Variants in DNAH9 observed in about 807,000 individuals in gnomAD.
DNAH9 encodes the protein DNAH9 variant protein.
A neutral mutation model predicts 471.6 loss-of-function variants in DNAH9; 345 were observed. That is an observed-to-expected ratio of 0.73 (90% CI 0.67 to 0.80). DNAH9 has a LOEUF of 0.80. DNAH9 is among the 30% of genes least tolerant of loss of function. The probability of loss-of-function intolerance (pLI) is 0.00; values close to 1 mark genes in which losing one functional copy is unlikely to be tolerated. For synonymous variants in DNAH9, 2,093 were observed against 2,123.6 expected (o/e 0.99, Z 0.40); for missense variants, 5,407 against 5,609.2 (o/e 0.96, Z 1.15).
intron 45 of DNAH9, among the ~76,000 whole-genome samples, chr17:11,812,011 AAAAAAAAAAAAAAAAATATATATATAT>A: frequency 3.3e-5 from 2 of 61,530 alleles, no homozygotes; most frequent in African/African-American, 1.7e-4. Flanking sequence ...AAAAAAAAAA[AAAAAAAAAAAAAAAAATATATATATAT>A]ATATATATAT....
chr17:11,624,230 C>T (rs754103532), intron 6 of DNAH9, among the ~76,000 whole-genome samples: 15 of 152,170 alleles, frequency 9.9e-5, no homozygotes, highest in East Asian at 1.9e-4. Flanking sequence ...GAACTGGGGC[C>T]GGGTGCAGTG....
intron 27 of DNAH9, among the ~76,000 whole-genome samples, chr17:11,724,228 T>C (rs1020796156): frequency 2.6e-5 from 4 of 152,200 alleles, no homozygotes; most frequent in Non-Finnish European, 5.9e-5. Context: ...TTTTGAAATA[T>C]AAAATAAATG....
At chr17:11,718,409 A>G (rs1403044471) in intron 26 of DNAH9, among the ~76,000 whole-genome samples, 1 of 152,278 alleles carries the variant, frequency 6.6e-6, no homozygotes, top group African/African-American at 2.4e-5. Flanking sequence ...GAACAGGTAG[A>G]TATTGTGCTA....
chr17:11,718,943 A>C (rs921232005), intron 26 of DNAH9, among the ~76,000 whole-genome samples: 2 of 152,150 alleles, frequency 1.3e-5, no homozygotes, highest in African/African-American at 4.8e-5. Context: ...AACATCATCC[A>C]GGTCGACTTA....
Position 11,923,799 on chromosome 17 carries a change from C to A in DNAH9, c.11750-15C>A. On this transcript the variant is annotated splice_polypyrimidine_tract_variant and intron_variant, in intron 61 of 68. Coordinates refer to ENST00000262442, the MANE Select transcript of DNAH9 (RefSeq NM_001372.4). ...GACACAAGAAATAATAATGACGCCT[C>A]CATCCTCCTTTTAGGAAGAAAACTT... is the stretch of plus-strand genomic sequence containing the variant. 1.2e-6 allele frequency: 2 copies of A among 1,613,168 alleles called. No homozygotes were observed. The highest frequency in any genetic ancestry group is 1.7e-6 in the Non-Finnish European group (2 of 1,179,500).
rs760375640 is a variant in DNAH9, at chr17:11,651,184, AT to A, written c.2216del (p.Leu739Ter). The stretch of plus-strand genomic sequence containing the variant: ...GATTTCTATCGGCAGCTTGTGGCTA[AT>A]TTAGAGTTGATGGCAAATTGGTACA... ...SRDFYRQLVANLELMANWYNK... is the reference protein window; with the variant it reads ...SRDFYRQLVAXLELMANWYNK... On this transcript the variant is annotated frameshift_variant, in exon 13 of 69. Coordinates refer to ENST00000262442, the MANE Select transcript of DNAH9 (RefSeq NM_001372.4). LOFTEE classifies it high-confidence loss of function. The A allele has an allele frequency of 6.2e-7, 1 of 1,614,158 alleles. No individual in the cohort carries two copies. The highest frequency in any genetic ancestry group is 8.5e-7 in the Non-Finnish European group (1 of 1,180,036).
intron 67 of DNAH9, among the ~76,000 whole-genome samples, chr17:11,947,779 T>TC (rs1256119646): frequency 7.2e-6 from 1 of 139,342 alleles, no homozygotes; most frequent in African/African-American, 2.7e-5. Context: ...ACTATTTTTT[T>TC]TTTTTTTTTT....
intron 1 of DNAH9, among the ~76,000 whole-genome samples, chr17:11,600,621 T>C (rs2072364829): frequency 6.6e-6 from 1 of 152,178 alleles, no homozygotes; most frequent in East Asian, 1.9e-4. Flanking sequence ...TGAAATACTT[T>C]GCAACTATTA....
intron 52 of DNAH9, chr17:11,873,460 G>A (rs1056177864): frequency 6.6e-6 from 1 of 152,162 alleles, no homozygotes; most frequent in African/African-American, 2.4e-5. Flanking sequence ...GAGGTTTGCT[G>A]GATACTGTAG....
chr17:11,713,586 G>A (rs1050160303), intron 26 of DNAH9, among the ~76,000 whole-genome samples: 25 of 151,890 alleles, frequency 1.6e-4, no homozygotes, highest in African/African-American at 6.0e-4. Flanking sequence ...AAGTGCAAAC[G>A]TTTTGAATTT....
intron 12 of DNAH9, among the ~76,000 whole-genome samples, chr17:11,649,762 A>C (rs557279093): frequency 6.6e-6 from 1 of 152,264 alleles, no homozygotes; most frequent in South Asian, 2.1e-4. Context: ...GTAAATGTGA[A>C]TTTTTATCAT....
At chr17:11,835,135 C>G (rs1406871668) in intron 49 of DNAH9, among the ~76,000 whole-genome samples, 1 of 152,196 alleles carries the variant, frequency 6.6e-6, no homozygotes, top group Non-Finnish European at 1.5e-5. Flanking sequence ...CATGAAAAGT[C>G]AGCTGATCCA....
At chr17:11,965,551 T>A (rs568379298) in intron 68 of DNAH9, among the ~76,000 whole-genome samples, 3 of 152,236 alleles carry the variant, frequency 2.0e-5, no homozygotes, top group East Asian at 3.9e-4. Context: ...AACAAAAAAA[T>A]TATGATATAC....
chr17:11,785,515 C>A (rs988933046), intron 41 of DNAH9, among the ~76,000 whole-genome samples: 1 of 152,072 alleles, frequency 6.6e-6, no homozygotes, highest in Non-Finnish European at 1.5e-5. Flanking sequence ...GCCTGAACTC[C>A]TGATTGTAAG....
chr17:11,716,170 G>A (rs1198733046), intron 26 of DNAH9, among the ~76,000 whole-genome samples: 2 of 144,866 alleles, frequency 1.4e-5, no homozygotes, highest in Non-Finnish European at 3.0e-5. Flanking sequence ...TGCAACCTCT[G>A]CCTCCCGGGT....
chr17:11,785,759 G>A (rs1446504898), intron 41 of DNAH9, among the ~76,000 whole-genome samples: 4 of 152,210 alleles, frequency 2.6e-5, no homozygotes, highest in African/African-American at 9.6e-5. Context: ...AGGAGCACAA[G>A]GAAGCCAGTA....
At chr17:11,637,652 G>A (rs1462922992) in intron 9 of DNAH9, among the ~76,000 whole-genome samples, 2 of 151,942 alleles carry the variant, frequency 1.3e-5, no homozygotes, top group Non-Finnish European at 2.9e-5. Context: ...CAGTCGCACA[G>A]CGCTTTGCAC....
chr17:11,690,456 A>T lies in DNAH9; in HGVS notation c.4614+20A>T. ...CCCCAGGTACCTGCTAAGGAAATCTAGAATCTCTCTATTCTCTGATCCAGG... is the reference window on the plus strand; with the variant it reads ...CCCCAGGTACCTGCTAAGGAAATCTTGAATCTCTCTATTCTCTGATCCAGG... On this transcript the variant is annotated intron_variant, in intron 20 of 68. Coordinates refer to ENST00000262442, the MANE Select transcript of DNAH9 (RefSeq NM_001372.4). 1 of 1,605,122 alleles carries T rather than the reference A, an allele frequency of 6.2e-7. No homozygotes were observed. The highest frequency in any genetic ancestry group is 8.5e-7 in the Non-Finnish European group (1 of 1,174,318).
Position 11,629,660 on chromosome 17 carries a change from A to C in DNAH9, c.1518+76A>C, listed in dbSNP as rs186666510. 2,038 of 1,334,754 alleles carry C rather than the reference A, an allele frequency of 1.5e-3. 5 individuals carry two copies. Among genetic ancestry groups the C allele is most frequent in the Middle Eastern group, 4.1e-3 (15 of 3,688 alleles). The allele number at this position is 1,334,754 out of a possible 1,614,324, so 82.7% of individuals were successfully genotyped here. ...TCTCATCTGTAGGGTCTAGGTATTT[A>C]CTTGCATTTTCCCTGTGTATTTCCT... On this transcript the variant is annotated intron_variant, in intron 7 of 68. Coordinates refer to ENST00000262442, the MANE Select transcript of DNAH9 (RefSeq NM_001372.4).
Sources: allele counts gnomAD v4.1 joint callset (sites outside exome capture counted in the v4.1 genomes callset), GRCh38; gene constraint gnomAD v4.1.1; transcripts MANE v1.5; gene names NCBI Gene and HGNC (gene_info 2026-07-23, HGNC 2026-07-21).